The following DMD variants were observed in gnomAD, a reference collection of about 807,000 sequenced individuals.
DMD encodes the protein dystrophin.
A neutral mutation model predicts 330.1 loss-of-function variants in DMD; 63 were observed. The observed-to-expected ratio is 0.19, with a 90% CI of 0.16 to 0.24. The LOEUF (loss-of-function observed/expected upper bound fraction) is 0.24, where lower values mean the gene tolerates loss of function less well. Among genes scored for constraint, DMD ranks in the 10% least tolerant of loss-of-function variants. The pLI is 1.00. For synonymous variants in DMD, 1,223 were observed against 959.8 expected (o/e 1.27, Z -5.07); for missense variants, 3,344 against 2,684.1 (o/e 1.25, Z -5.43).
intron 2 of DMD, among the ~76,000 whole-genome samples, chrX:32,896,344 T>C (rs1018044070): frequency 8.9e-6 from 1 of 112,178 alleles, no homozygotes; most frequent in Non-Finnish European, 1.9e-5. Flanking sequence ...AATAGCCATG[T>C]ACAGACTCAC....
chrX:31,943,252 A>G (rs1410696951), intron 45 of DMD, among the ~76,000 whole-genome samples: 3 of 112,285 alleles, frequency 2.7e-5, no homozygotes, highest in African/African-American at 9.7e-5. Context: ...GACATCTACT[A>G]GGGAATTAAA....
At chrX:32,978,756 A>G (rs1284025547) in intron 2 of DMD, among the ~76,000 whole-genome samples, 1 of 112,620 alleles carries the variant, frequency 8.9e-6, no homozygotes, top group Non-Finnish European at 1.9e-5. Context: ...GGCATGAGAC[A>G]CTGCGCCCGG....
At chrX:32,089,331 A>G (rs1045228987) in intron 44 of DMD, among the ~76,000 whole-genome samples, 1 of 111,656 alleles carries the variant, frequency 9.0e-6, no homozygotes, top group East Asian at 2.8e-4. Flanking sequence ...CAGGTTTGCT[A>G]TACAGGTGAA....
intron 50 of DMD, among the ~76,000 whole-genome samples, chrX:31,795,890 T>C (rs1272452681): frequency 1.8e-5 from 2 of 112,185 alleles, no homozygotes; most frequent in Non-Finnish European, 3.8e-5. Context: ...GAGCCTATTA[T>C]GACAAATGTA....
chrX:32,817,129 G>A (rs1206779183), intron 5 of DMD, among the ~76,000 whole-genome samples: 1 of 111,811 alleles, frequency 8.9e-6, no homozygotes, highest in Non-Finnish European at 1.9e-5. Context: ...CCTCATTTCT[G>A]TGTATCTTAC....
At chrX:32,027,143 G>GACAC (rs777826426) in intron 44 of DMD, among the ~76,000 whole-genome samples, 6 of 72,026 alleles carry the variant, frequency 8.3e-5, no homozygotes, top group Non-Finnish European at 1.6e-4. Flanking sequence ...TGAGTATTAT[G>GACAC]ACACACACAC....
At chrX:31,310,074 A>C (rs1224043308) in intron 62 of DMD, among the ~76,000 whole-genome samples, 1 of 110,433 alleles carries the variant, frequency 9.1e-6, no homozygotes, top group Non-Finnish European at 1.9e-5. Flanking sequence ...CATGTTTATG[A>C]AGTGGTCTAT....
chrX:32,024,951 T>G (rs1024685022), intron 44 of DMD, among the ~76,000 whole-genome samples: 2 of 111,735 alleles, frequency 1.8e-5, no homozygotes, highest in African/African-American at 6.5e-5. Context: ...TGCAAAGTTT[T>G]TTTCTTCTTC....
intron 17 of DMD, among the ~76,000 whole-genome samples, chrX:32,522,593 C>A (rs995711536): frequency 6.2e-5 from 7 of 112,161 alleles, no homozygotes; most frequent in Non-Finnish European, 1.3e-4. Flanking sequence ...AAGACTTTCT[C>A]ATTTTTCTTA....
Position 32,527,877 on chromosome X carries a change from T to G in DMD, c.2169-9746A>C, listed in dbSNP as rs764863299. ...ACAACACATACACGTTTGTATAGTG[T>G]AAGTGTGTCTCCCTCTGTGGAAGGG... is the stretch of plus-strand genomic sequence containing the variant. On this transcript the variant is annotated intron_variant, in intron 17 of 78. Transcript: ENST00000357033. Among the ~76,000 whole-genome samples, 200 of 111,698 alleles carry G rather than the reference T, an allele frequency of 1.8e-3. 2 individuals carry two copies. Among genetic ancestry groups the G allele is most frequent in the Non-Finnish European group, 3.1e-3 (163 of 53,167 alleles).
chrX:32,672,141 A>C (rs1227646800), intron 9 of DMD, among the ~76,000 whole-genome samples: 1 of 111,522 alleles, frequency 9.0e-6, no homozygotes, highest in Non-Finnish European at 1.9e-5. Flanking sequence ...AATTTTGAAT[A>C]TATTAGTTGT....
At chrX:31,300,710 T>C (rs2054578174) in intron 62 of DMD, among the ~76,000 whole-genome samples, 1 of 112,305 alleles carries the variant, frequency 8.9e-6, no homozygotes, top group African/African-American at 3.2e-5. Flanking sequence ...GTTGTCTAGG[T>C]GGTGATGGGC....
intron 44 of DMD, among the ~76,000 whole-genome samples, chrX:32,180,525 G>A (rs754117133): frequency 9.0e-6 from 1 of 111,652 alleles, no homozygotes; most frequent in African/African-American, 3.3e-5. Context: ...TTCAGAATGA[G>A]TTGGGACCTT....
chrX:32,250,493 G>A (rs2097259192), intron 43 of DMD, among the ~76,000 whole-genome samples: 1 of 111,286 alleles, frequency 9.0e-6, no homozygotes, highest in Admixed American at 9.6e-5. Context: ...CCTGCTTATC[G>A]TATTCCTATC....
At chrX:31,905,898 A>T (rs914927236) in intron 47 of DMD, among the ~76,000 whole-genome samples, 2 of 111,806 alleles carry the variant, frequency 1.8e-5, no homozygotes, top group African/African-American at 3.3e-5. Flanking sequence ...TTATAAAGTG[A>T]ATTTTTAAAT....
intron 54 of DMD, among the ~76,000 whole-genome samples, chrX:31,645,405 A>C (rs1379858948): frequency 1.8e-5 from 2 of 112,283 alleles, no homozygotes; most frequent in Admixed American, 9.4e-5. Context: ...CCCAGAAAAA[A>C]GTCCTTAAAC....
At chrX:32,281,983 G>T (rs2097422500) in intron 43 of DMD, among the ~76,000 whole-genome samples, 1 of 112,100 alleles carries the variant, frequency 8.9e-6, no homozygotes, top group Non-Finnish European at 1.9e-5. Context: ...ATTCCAAGAA[G>T]GAAATACTGA....
intron 50 of DMD, among the ~76,000 whole-genome samples, chrX:31,805,586 G>A (rs1228719227): frequency 8.9e-6 from 1 of 111,848 alleles, no homozygotes; most frequent in Non-Finnish European, 1.9e-5. Context: ...TATCCAAAGT[G>A]AGAACAAATG....
At chrX:31,866,171 T>A (rs989268786) in intron 48 of DMD, among the ~76,000 whole-genome samples, 2 of 111,525 alleles carry the variant, frequency 1.8e-5, no homozygotes, top group African/African-American at 6.5e-5. Context: ...CCTTAAATCC[T>A]TCAGCATATT....
Sources: allele counts gnomAD v4.1 joint callset (sites outside exome capture counted in the v4.1 genomes callset), GRCh38; gene constraint gnomAD v4.1.1; transcripts MANE v1.5; gene names NCBI Gene and HGNC (gene_info 2026-07-23, HGNC 2026-07-21).